Variants in FER observed in about 807,000 individuals in gnomAD.
FER encodes the protein tyrosine-protein kinase Fer.
FER carries 63 observed loss-of-function variants against 111.0 expected under a neutral mutation model. That is an observed-to-expected ratio of 0.57 (90% CI 0.46 to 0.70). The LOEUF is 0.70. Among genes scored for constraint, FER ranks in the 30% least tolerant of loss-of-function variants. FER has a pLI of 0.00. For missense variants in FER, 914 were observed against 954.0 expected, an observed-to-expected ratio of 0.96 and a Z score of 0.55; for synonymous variants, 327 against 313.9, an observed-to-expected ratio of 1.04 and a Z score of -0.44.
chr5:109,029,321 T>G (rs909957951), intron 13 of FER, among the ~76,000 whole-genome samples: 3 of 150,654 alleles, frequency 2.0e-5, no homozygotes, highest in Non-Finnish European at 4.4e-5. Flanking sequence ...TATGTATACA[T>G]GTGCCATGCT....
intron 5 of FER, among the ~76,000 whole-genome samples, chr5:108,866,910 A>G (rs1395479570): frequency 6.6e-6 from 1 of 152,164 alleles, no homozygotes; most frequent in East Asian, 1.9e-4. Flanking sequence ...ATGACTAGTA[A>G]AGGAACCATA....
chr5:109,056,461 A>T (rs958597946), intron 16 of FER, among the ~76,000 whole-genome samples: 3 of 152,188 alleles, frequency 2.0e-5, no homozygotes, highest in African/African-American at 2.4e-5. Context: ...GAGTGAAATA[A>T]GCCAGACACA....
rs1029563741 is a variant in FER at position 109,196,222 on chromosome 5, T to C, written c.*8647T>C. ...CTCTTAGTGAATGGTTGTGGAAATA[T>C]GATTTTTCTAAGTTCCTTCCTTTTC... On this transcript the variant is annotated 3_prime_UTR_variant, in exon 20 of 20. Transcript: ENST00000281092. 2.0e-5 allele frequency: 3 copies of C among 152,324 alleles called. No homozygotes were observed. The highest frequency in any genetic ancestry group is 2.1e-4 in the South Asian group (1 of 4,826). The allele number at this position is 152,324 out of a possible 1,614,324, so 9.4% of individuals were successfully genotyped here. A position where few individuals can be genotyped will look rare whatever the true frequency, so the allele number is the denominator to read the frequency against.
At chr5:109,007,876 A>C (rs1319537960) in intron 13 of FER, among the ~76,000 whole-genome samples, 1 of 152,132 alleles carries the variant, frequency 6.6e-6, no homozygotes, top group Non-Finnish European at 1.5e-5. Context: ...ATTCCTACCA[A>C]CTGCGTGAGA....
At chr5:108,842,964 A>G (rs557186704) in intron 5 of FER, 1 of 152,268 alleles carries the variant, frequency 6.6e-6, no homozygotes, top group Non-Finnish European at 1.5e-5. Context: ...TTATAGCAGC[A>G]CAATTCACAA....
chr5:109,000,233 C>A (rs144463155), intron 13 of FER, among the ~76,000 whole-genome samples: 1 of 150,968 alleles, frequency 6.6e-6, no homozygotes, highest in Non-Finnish European at 1.5e-5. Context: ...AAATGTAAAA[C>A]GTGTTTATCA....
At position 108,891,508 on chromosome 5, in the gene FER, CCTT is replaced by C. The variant is rs923781801; in HGVS notation, c.1047-6148_1047-6146del. On this transcript the variant is annotated intron_variant, in intron 9 of 19. Transcript: ENST00000281092. ...TATAGATTGAACTCCTCGTTTTACTCCTTCTCCCATTCTCACTACTGCACTTGA... is the reference window on the plus strand; with the variant it reads ...TATAGATTGAACTCCTCGTTTTACTCCTCCCATTCTCACTACTGCACTTGA... 2.0e-5 allele frequency: 3 copies of C among 151,752 alleles called. No individual in the cohort carries two copies. In the East Asian group the frequency reaches 5.8e-4, roughly 29 times the overall value. 9.4% of individuals were successfully genotyped at this position (151,752 alleles called of 1,614,324 possible).
At chr5:109,054,552 T>C (rs1321893574) in intron 16 of FER, among the ~76,000 whole-genome samples, 4 of 152,248 alleles carry the variant, frequency 2.6e-5, no homozygotes, top group Non-Finnish European at 5.9e-5. Flanking sequence ...GTCTTGTCTT[T>C]TCATTCTCTT....
intron 2 of FER, among the ~76,000 whole-genome samples, chr5:108,793,733 T>C (rs1326289505): frequency 1.3e-5 from 2 of 152,166 alleles, no homozygotes; most frequent in African/African-American, 4.8e-5. Context: ...TGTCTTTCTT[T>C]TAGGGAAGGT....
chr5:109,121,734 C>T (rs1425818925), intron 17 of FER, among the ~76,000 whole-genome samples: 2 of 151,914 alleles, frequency 1.3e-5, no homozygotes. Flanking sequence ...CTAGGATTTT[C>T]TTTGCTGGGC....
chr5:109,110,866 G>A (rs960509619), intron 17 of FER, among the ~76,000 whole-genome samples: 1 of 152,068 alleles, frequency 6.6e-6, no homozygotes, highest in African/African-American at 2.4e-5. Context: ...ATAACTCATA[G>A]CTTCTTTTCT....
intron 10 of FER, among the ~76,000 whole-genome samples, chr5:108,915,276 C>T (rs189133194): frequency 1.6e-3 from 251 of 152,150 alleles, no homozygotes; most frequent in African/African-American, 5.7e-3. Context: ...AGTTTGAGAC[C>T]AGCCTGGCCA....
intron 3 of FER, among the ~76,000 whole-genome samples, chr5:108,821,217 G>C (rs374858213): frequency 6.6e-6 from 1 of 152,180 alleles, no homozygotes; most frequent in South Asian, 2.1e-4. Context: ...ACTTAACTCA[G>C]ATGATTCACC....
chr5:109,073,995 A>T (rs866377463), intron 16 of FER, among the ~76,000 whole-genome samples: 8 of 152,260 alleles, frequency 5.3e-5, no homozygotes, highest in Middle Eastern at 3.4e-3. Flanking sequence ...TTCGTATCTT[A>T]TAAACACTTA....
At chr5:108,982,620 ATTCACT>A (rs1476377322) in intron 13 of FER, among the ~76,000 whole-genome samples, 2 of 152,130 alleles carry the variant, frequency 1.3e-5, no homozygotes, top group Admixed American at 1.3e-4. Context: ...CTTATGAACT[ATTCACT>A]GCAATCATTC....
At chr5:109,146,881 A>T (rs1428872273) in intron 17 of FER, among the ~76,000 whole-genome samples, 2 of 152,060 alleles carry the variant, frequency 1.3e-5, no homozygotes, top group Non-Finnish European at 2.9e-5. Flanking sequence ...AAGGAGATTT[A>T]AAAAAATAAT....
At chr5:109,120,177 T>G (rs1308596188) in intron 17 of FER, among the ~76,000 whole-genome samples, 1 of 151,988 alleles carries the variant, frequency 6.6e-6, no homozygotes. Flanking sequence ...TACTGAAGAA[T>G]CAGCCCAATG....
Position 108,871,796 on chromosome 5 carries a change from C to G in FER, c.803+294C>G, listed in dbSNP as rs544896455. Among the ~76,000 whole-genome samples, 19 of 151,752 alleles carry G rather than the reference C, an allele frequency of 1.3e-4. No individual in the cohort carries two copies. In the East Asian group the frequency reaches 3.5e-3, roughly 28 times the overall value. ...TTATGCTTATATAATAAAACCATGA[C>G]TTTATATGTATATTACACTTTATGA... On this transcript the variant is annotated intron_variant, in intron 7 of 19. Coordinates refer to ENST00000281092, the MANE Select transcript of FER (RefSeq NM_005246.4).
At chr5:109,051,338 G>T (rs947176890) in intron 16 of FER, 1 of 1,604,588 alleles carries the variant, frequency 6.2e-7, no homozygotes, top group Non-Finnish European at 8.5e-7. Flanking sequence ...TCAGGCTGAG[G>T]CCTGCTGCTG....
Sources: allele counts gnomAD v4.1 joint callset (sites outside exome capture counted in the v4.1 genomes callset), GRCh38; gene constraint gnomAD v4.1.1; transcripts MANE v1.5; gene names NCBI Gene and HGNC (gene_info 2026-07-23, HGNC 2026-07-21).